Variants in RHOD observed in about 807,000 individuals in gnomAD.
RHOD encodes ras homolog family member D, also known as rho-related GTP-binding protein RhoD.
In RHOD, 11 loss-of-function variants were observed where a neutral mutation model predicts 16.7. The observed-to-expected ratio is 0.66, with a 90% CI of 0.41 to 1.09. RHOD has a LOEUF of 1.09. Ranked by LOEUF, RHOD falls within the 50% of genes least tolerant of loss-of-function variation. RHOD has a pLI of 0.00. For missense variants in RHOD, 271 were observed against 291.7 expected, an observed-to-expected ratio of 0.93 and a Z score of 0.52; for synonymous variants, 124 against 126.3, an observed-to-expected ratio of 0.98 and a Z score of 0.12.
intron 1 of RHOD, among the ~76,000 whole-genome samples, chr11:67,061,985 G>GA (rs924486977): frequency 2.7e-4 from 40 of 146,194 alleles, no homozygotes; most frequent in South Asian, 1.1e-3. Context: ...TGACTCCGTC[G>GA]AAAAAAAAAA....
At chr11:67,059,139 TG>T (rs2136244608) in intron 1 of RHOD, among the ~76,000 whole-genome samples, 1 of 152,102 alleles carries the variant, frequency 6.6e-6, no homozygotes, top group Admixed American at 6.5e-5. Context: ...TGGCCAGAAA[TG>T]GGGGGAGGGC....
At chr11:67,065,550 T>C (rs1191954598) in intron 1 of RHOD, among the ~76,000 whole-genome samples, 1 of 151,960 alleles carries the variant, frequency 6.6e-6, no homozygotes. Context: ...TTTGTATTTT[T>C]AGTAGAGACG....
intron 3 of RHOD, among the ~76,000 whole-genome samples, chr11:67,068,533 C>T (rs1854987249): frequency 1.3e-5 from 2 of 152,018 alleles, no homozygotes; most frequent in South Asian, 4.1e-4. Context: ...TGATGGTGGC[C>T]GGGTGCGGTA....
chr11:67,057,083 G>C, intron 1 of RHOD, 49 bp downstream of exon 1: 1 of 1,393,948 alleles, frequency 7.2e-7, no homozygotes, highest in Non-Finnish European at 9.2e-7. Flanking sequence ...GCGCGCCCGG[G>C]TGTACAGGTC....
chr11:67,061,425 A>C (rs1325973867), intron 1 of RHOD, among the ~76,000 whole-genome samples: 2 of 152,008 alleles, frequency 1.3e-5, no homozygotes, highest in African/African-American at 4.8e-5. Context: ...CTGAGGTCGG[A>C]AGTTCGAGAC....
rs922275458 is a variant in RHOD at position 67,066,776 on chromosome 11, C to G, written c.259C>G (p.Pro87Ala). 3 of 1,614,028 alleles carry G rather than the reference C, an allele frequency of 1.9e-6. No individual in the cohort carries two copies. The highest frequency in any genetic ancestry group is 2.5e-6 in the Non-Finnish European group (3 of 1,179,902). ...TGACCGCCTGCGGCCCCTGTTCTAC[C>G]CTGACGCCAGCGTCCTGCTGCTTTG... ...DYDRLRPLFY[P>A]DASVLLLCFD... The change falls in exon 3 of 5, where the codon CCT (proline) becomes GCT (alanine). Residue 87 changes from proline to alanine, a missense_variant. Coordinates refer to ENST00000308831, the MANE Select transcript of RHOD (RefSeq NM_014578.4).
chr11:67,057,028 C>G lies in RHOD; in HGVS notation c.126C>G (p.Phe42Leu), dbSNP rs753875530. ...SLLMVFADGA[F>L]PESYTPTVFE... The stretch of plus-strand genomic sequence containing the variant: ...TGATGGTCTTCGCCGATGGGGCCTT[C>G]CCCGAGGTGAGTGCCCCGCGCCTCC... Residue 42 changes from phenylalanine (F) to leucine (L), a missense_variant, in exon 1 of 5, where the codon TTC (phenylalanine) becomes TTG (leucine). Coordinates refer to ENST00000308831, the MANE Select transcript of RHOD (RefSeq NM_014578.4). The G allele has an allele frequency of 1.3e-6, 2 of 1,483,534 alleles. No homozygotes were observed. The highest frequency in any genetic ancestry group is 1.8e-6 in the Non-Finnish European group (2 of 1,128,316). The allele number at this position is 1,483,534 out of a possible 1,614,324, so 91.9% of individuals were successfully genotyped here. A position where few individuals can be genotyped will look rare whatever the true frequency, so the allele number is the denominator to read the frequency against.
At chr11:67,065,752 A>C (rs1590671120) in intron 1 of RHOD, 144 bp from the exon 2 acceptor site, 1 of 599,344 alleles carries the variant, frequency 1.7e-6, no homozygotes. Context: ...CTAGGCCGCC[A>C]CCCCAGGCAG....
chr11:67,065,626 G>A (rs1829439380), intron 1 of RHOD, among the ~76,000 whole-genome samples: 1 of 152,204 alleles, frequency 6.6e-6, no homozygotes. Flanking sequence ...ACGTCCCAAA[G>A]TGCTGGGATT....
intron 3 of RHOD, among the ~76,000 whole-genome samples, chr11:67,068,371 G>A (rs1020046122): frequency 5.3e-5 from 8 of 152,168 alleles, no homozygotes; most frequent in African/African-American, 1.9e-4. Flanking sequence ...CTGAACCCCA[G>A]GGAGAGGAGG....
intron 1 of RHOD, among the ~76,000 whole-genome samples, chr11:67,064,486 G>A (rs1364928764): frequency 6.6e-6 from 1 of 151,988 alleles, no homozygotes; most frequent in Non-Finnish European, 1.5e-5. Context: ...GATCAGGAAA[G>A]GCATCCCAGA....
At chr11:67,069,910 C>T (rs1855005295) in intron 3 of RHOD, among the ~76,000 whole-genome samples, 1 of 151,848 alleles carries the variant, frequency 6.6e-6, no homozygotes, top group African/African-American at 2.4e-5. Flanking sequence ...AGGCTGGTCT[C>T]AAACTCCTGA....
At position 67,056,981 on chromosome 11, in the gene RHOD, G is replaced by T; in HGVS notation, c.79G>T (p.Gly27Cys). ...SVKVVLVGDG[G>C]CGKTSLLMVF... The stretch of plus-strand genomic sequence containing the variant: ...CAAGGTGGTCCTGGTGGGCGACGGC[G>T]GCTGCGGGAAGACGTCGCTGCTGAT... Residue 27 changes from glycine to cysteine, a missense_variant, in exon 1 of 5, where the codon GGC (glycine) becomes TGC (cysteine). By Grantham distance (159) the Gly-to-Cys change is radical. Coordinates refer to ENST00000308831, the MANE Select transcript of RHOD (RefSeq NM_014578.4). 1.3e-6 allele frequency: 2 copies of T among 1,509,474 alleles called. No homozygotes were observed. The highest frequency in any genetic ancestry group is 2.2e-5 in the Admixed American group (1 of 45,610). 93.5% of individuals were successfully genotyped at this position (1,509,474 alleles called of 1,614,324 possible). A position where few individuals can be genotyped will look rare whatever the true frequency, so the allele number is the denominator to read the frequency against.
intron 4 of RHOD, among the ~76,000 whole-genome samples, chr11:67,071,154 T>G (rs1855024534): frequency 6.6e-6 from 1 of 152,036 alleles, no homozygotes. Flanking sequence ...GGAGAATCAC[T>G]TGAACCCGGT....
At chr11:67,067,836 G>A (rs916577860) in intron 3 of RHOD, among the ~76,000 whole-genome samples, 1 of 152,094 alleles carries the variant, frequency 6.6e-6, no homozygotes. Context: ...GTCTTGCTCT[G>A]TCACCCAGGC....
intron 1 of RHOD, among the ~76,000 whole-genome samples, chr11:67,062,103 A>ATTT (rs1320468662): frequency 6.6e-5 from 10 of 152,014 alleles, no homozygotes; most frequent in Non-Finnish European, 1.5e-4. Flanking sequence ...TCGAGATGAG[A>ATTT]TTTGCTTGGG....
intron 1 of RHOD, among the ~76,000 whole-genome samples, chr11:67,065,657 T>G (rs1241691884): frequency 6.6e-6 from 1 of 152,126 alleles, no homozygotes; most frequent in African/African-American, 2.4e-5. Flanking sequence ...CTATGGTGCC[T>G]GGCTGGTAGG....
In RHOD at chr11:67,056,881, C is replaced by T; in HGVS notation, c.-22C>T. 4 of 1,377,836 alleles carry T rather than the reference C, an allele frequency of 2.9e-6. No individual in the cohort carries two copies. Among genetic ancestry groups the T allele is most frequent in the Non-Finnish European group, 2.8e-6 (3 of 1,077,150 alleles). The allele number at this position is 1,377,836 out of a possible 1,614,324, so 85.4% of individuals were successfully genotyped here. On this transcript the variant is annotated 5_prime_UTR_variant, in exon 1 of 5. Coordinates refer to ENST00000308831, the MANE Select transcript of RHOD (RefSeq NM_014578.4). ...CTCTGCGCCGCAGCCGCCCGCCCGCCCGCTCAGCGCCCGGCCCCGGGATGA... is the reference window on the plus strand; with the variant it reads ...CTCTGCGCCGCAGCCGCCCGCCCGCTCGCTCAGCGCCCGGCCCCGGGATGA...
Position 67,066,730 on chromosome 11 carries a change from C to G in RHOD, c.221-8C>G. The G allele has an allele frequency of 6.3e-7, 1 of 1,586,720 alleles. No individual in the cohort carries two copies. Among genetic ancestry groups the G allele is most frequent in the Non-Finnish European group, 8.7e-7 (1 of 1,155,210 alleles). Reference sequence around the variant, plus strand: ...CCTGAAGGCAGTGACCACCTCCACTCTGCCCAGGGCAAGATGACTATGACC... The same window carrying G: ...CCTGAAGGCAGTGACCACCTCCACTGTGCCCAGGGCAAGATGACTATGACC... On this transcript the variant is annotated splice_polypyrimidine_tract_variant and splice_region_variant and intron_variant, in intron 2 of 4. Coordinates refer to ENST00000308831, the MANE Select transcript of RHOD (RefSeq NM_014578.4).
Sources: allele counts gnomAD v4.1 joint callset (sites outside exome capture counted in the v4.1 genomes callset), GRCh38; gene constraint gnomAD v4.1.1; transcripts MANE v1.5; gene names NCBI Gene and HGNC (gene_info 2026-07-23, HGNC 2026-07-21).